The following ZGRF1 variants were observed in gnomAD, a reference collection of about 807,000 sequenced individuals.
ZGRF1 encodes 5'-3' DNA helicase ZGRF1.
Under a neutral mutation model 203.5 loss-of-function variants are expected in ZGRF1, and 196 were observed. The observed-to-expected ratio is 0.96, with a 90% confidence interval of 0.86 to 1.08. The LOEUF (loss-of-function observed/expected upper bound fraction) is 1.08. ZGRF1 is among the 50% of genes least tolerant of loss of function. ZGRF1 has a pLI of 0.00. For synonymous variants in ZGRF1, 809 were observed against 841.3 expected (o/e 0.96, Z 0.66); for missense variants, 2,326 against 2,416.3 (o/e 0.96, Z 0.78).
chr4:112,576,159 G>A (rs1405387210), intron 16 of ZGRF1, among the ~76,000 whole-genome samples: 2 of 152,188 alleles, frequency 1.3e-5, no homozygotes, highest in South Asian at 2.1e-4. Context: ...CTGATACCCA[G>A]GCAAACAGGG....
chr4:112,587,145 T>C, intron 12 of ZGRF1, 135 bp downstream of exon 12: 1 of 701,708 alleles, frequency 1.4e-6, no homozygotes. Context: ...ATGATGTAAC[T>C]GTAGCTCAGA....
intron 16 of ZGRF1, among the ~76,000 whole-genome samples, chr4:112,563,812 C>G (rs114078045): frequency 6.6e-6 from 1 of 152,330 alleles, no homozygotes; most frequent in Non-Finnish European, 1.5e-5. Context: ...GGTGCCAGCA[C>G]AGCACCAGTG....
chr4:112,600,481 C>T (rs1344253675), intron 10 of ZGRF1, among the ~76,000 whole-genome samples: 1 of 152,106 alleles, frequency 6.6e-6, no homozygotes, highest in Non-Finnish European at 1.5e-5. Context: ...ATCACGAGGT[C>T]AGGAGTTCGA....
At chr4:112,548,147 T>C in intron 23 of ZGRF1, 106 bp downstream of exon 23, 1 of 959,594 alleles carries the variant, frequency 1.0e-6, no homozygotes, top group Non-Finnish European at 1.5e-6. Flanking sequence ...CGCCATGTTG[T>C]CCAAGCTGGT....
chr4:112,585,729 C>CAA lies in ZGRF1; in HGVS notation c.3917-6_3917-5dup, dbSNP rs759726940. On this transcript the variant is annotated splice_region_variant and splice_polypyrimidine_tract_variant and intron_variant, in intron 13 of 27. Coordinates refer to ENST00000505019, the MANE Select transcript of ZGRF1 (RefSeq NM_018392.5). Reference sequence around the variant, plus strand: ...AACAGCAATATATTTAGATGTTCTACAAAAAAAAAAAAAAGAGAGCAGAAA... The same window carrying CAA: ...AACAGCAATATATTTAGATGTTCTACAAAAAAAAAAAAAAAAGAGAGCAGAAA... 1.8e-3 allele frequency: 2,105 copies of CAA among 1,155,840 alleles called. 1 individual carries two copies. Among genetic ancestry groups the CAA allele is most frequent in the South Asian group, 2.7e-3 (126 of 46,482 alleles). 71.6% of individuals were successfully genotyped at this position (1,155,840 alleles called of 1,614,324 possible). A position where few individuals can be genotyped will look rare whatever the true frequency, so the allele number is the denominator to read the frequency against.
At chr4:112,599,626 G>A (rs1413668870) in intron 10 of ZGRF1, among the ~76,000 whole-genome samples, 1 of 152,056 alleles carries the variant, frequency 6.6e-6, no homozygotes, top group African/African-American at 2.4e-5. Flanking sequence ...GGAGGCTGTG[G>A]AGGGAGGATC....
At chr4:112,557,869 C>T (rs528536767) in intron 20 of ZGRF1, among the ~76,000 whole-genome samples, 2 of 152,298 alleles carry the variant, frequency 1.3e-5, no homozygotes, top group African/African-American at 4.8e-5. Flanking sequence ...GACTGCCTCC[C>T]CCAACAATAC....
chr4:112,557,472 G>A (rs1741158463), intron 20 of ZGRF1, among the ~76,000 whole-genome samples: 1 of 152,180 alleles, frequency 6.6e-6, no homozygotes, highest in Non-Finnish European at 1.5e-5. Context: ...ACCATGCCCA[G>A]CCTGATTTTA....
chr4:112,548,420 A>G (rs1473823505), intron 22 of ZGRF1, 40 bp from the exon 23 acceptor site: 14 of 1,492,098 alleles, frequency 9.4e-6, no homozygotes, highest in Non-Finnish European at 1.2e-5. Context: ...ACAATTATTA[A>G]AAGAAAATAA....
chr4:112,618,811 CATTG>C lies in ZGRF1; in HGVS notation c.1227_1230del (p.Phe409LeufsTer53). The C allele has an allele frequency of 6.2e-7, 1 of 1,612,958 alleles. No homozygotes were observed. The highest frequency in any genetic ancestry group is 8.5e-7 in the Non-Finnish European group (1 of 1,179,762). Reference sequence around the variant, plus strand: ...CAAGTAACCTGTAAGCTACTGCTTTCATTGAATGAAGGAATTTCTAATTTTACTT... The same window carrying C: ...CAAGTAACCTGTAAGCTACTGCTTTCAATGAAGGAATTTCTAATTTTACTT... On this transcript the variant is annotated frameshift_variant, in exon 6 of 28. Coordinates refer to ENST00000505019, the MANE Select transcript of ZGRF1 (RefSeq NM_018392.5). LOFTEE classifies it high-confidence loss of function.
intron 10 of ZGRF1, among the ~76,000 whole-genome samples, chr4:112,600,666 A>T (rs1323068508): frequency 6.6e-6 from 1 of 152,088 alleles, no homozygotes. Context: ...AAACTGAGGT[A>T]GGGCTTGCAT....
intron 16 of ZGRF1, among the ~76,000 whole-genome samples, chr4:112,572,629 G>A (rs1174663562): frequency 6.6e-6 from 1 of 152,122 alleles, no homozygotes; most frequent in Non-Finnish European, 1.5e-5. Context: ...CACAGAGTGG[G>A]AGAAAATATT....
intron 3 of ZGRF1, among the ~76,000 whole-genome samples, chr4:112,630,617 A>C (rs2047376346): frequency 6.6e-6 from 1 of 152,064 alleles, no homozygotes; most frequent in Non-Finnish European, 1.5e-5. Context: ...TCCTATATAA[A>C]ATTAGTGACT....
intron 8 of ZGRF1, 40 bp from the exon 9 acceptor site, chr4:112,606,131 T>G (rs778917393): frequency 1.6e-6 from 2 of 1,223,010 alleles, no homozygotes; most frequent in South Asian, 2.6e-5. Flanking sequence ...TTAGCTAGAA[T>G]AGTTTCACAG....
intron 3 of ZGRF1, 185 bp from the exon 4 acceptor site, chr4:112,624,061 G>T: frequency 2.4e-6 from 1 of 425,374 alleles, no homozygotes; most frequent in Non-Finnish European, 4.3e-6. Flanking sequence ...GTTTAAGAGA[G>T]TAAAGGCATA....
intron 3 of ZGRF1, among the ~76,000 whole-genome samples, chr4:112,624,448 C>A (rs2047163444): frequency 6.6e-6 from 1 of 150,880 alleles, no homozygotes; most frequent in Non-Finnish European, 1.5e-5. Context: ...CAGAGTGAGA[C>A]TCCATCTCAA....
chr4:112,627,077 C>T (rs1208054548), intron 3 of ZGRF1, among the ~76,000 whole-genome samples: 1 of 152,166 alleles, frequency 6.6e-6, no homozygotes, highest in Non-Finnish European at 1.5e-5. Flanking sequence ...TCCCAAAGTA[C>T]TAGGATTACA....
In ZGRF1 at chr4:112,618,585, T is replaced by C; in HGVS notation, c.1457A>G (p.Gln486Arg). 6.2e-7 allele frequency: 1 copy of C among 1,613,814 alleles called. No individual in the cohort carries two copies. Among genetic ancestry groups the C allele is most frequent in the Non-Finnish European group, 8.5e-7 (1 of 1,179,872 alleles). ...CCTAGAATTATTACTAGATTCAATT[T>C]GGAGATGTTTCAGTTCTGGCAGAGA... Reference protein sequence around the residue: ...ESSLPELKHLQIESSNNSRIS... With the variant: ...ESSLPELKHLRIESSNNSRIS... Residue 486 changes from glutamine to arginine, a missense_variant, in exon 6 of 28, where the codon CAA becomes CGA. By Grantham distance (43) the Gln-to-Arg change is conservative. Coordinates refer to ENST00000505019, the MANE Select transcript of ZGRF1 (RefSeq NM_018392.5).
Position 112,587,772 on chromosome 4 carries a change from A to G in ZGRF1, c.3285T>C (p.Ser1095=). ...CACACAAATTGAGCATGGGGGAGCCAGAAGACTCGTATGTGTTAGAGTTGA... is the reference window on the plus strand; with the variant it reads ...CACACAAATTGAGCATGGGGGAGCCGGAAGACTCGTATGTGTTAGAGTTGA... The part of the protein sequence containing the change: ...YMINSNTYES[S]GSPMLNLCEK... Residue 1095 remains serine, a synonymous_variant, in exon 12 of 28, where the codon TCT becomes TCC. Transcript: ENST00000505019. 1 of 1,554,388 alleles carries G rather than the reference A, an allele frequency of 6.4e-7. No homozygotes were observed. Among genetic ancestry groups the G allele is most frequent in the Non-Finnish European group, 8.7e-7 (1 of 1,148,174 alleles).
Sources: allele counts gnomAD v4.1 joint callset (sites outside exome capture counted in the v4.1 genomes callset), GRCh38; gene constraint gnomAD v4.1.1; transcripts MANE v1.5; gene names NCBI Gene and HGNC (gene_info 2026-07-23, HGNC 2026-07-21).